GNPTAB: variants seen among roughly 807,000 people sequenced by gnomAD.
GNPTAB encodes N-acetylglucosamine-1-phosphate transferase subunits alpha and beta.
A neutral mutation model predicts 136.6 loss-of-function variants in GNPTAB; 92 were observed. The ratio of observed to expected loss-of-function variants is 0.67; its 90% CI spans 0.57 to 0.80. GNPTAB has a LOEUF of 0.80. Ranked by LOEUF, GNPTAB falls within the 30% of genes least tolerant of loss-of-function variation. The pLI, the probability that GNPTAB is intolerant of heterozygous loss-of-function variation, is 0.00. For synonymous variants in GNPTAB, 512 were observed against 535.1 expected (o/e 0.96, Z 0.60); for missense variants, 1,343 against 1,501.8 (o/e 0.89, Z 1.75).
chr12:101,773,353 C>T, intron 7 of GNPTAB: 1 of 299,188 alleles, frequency 3.3e-6, no homozygotes, highest in Non-Finnish European at 6.6e-6. Context: ...CCTTGGTATG[C>T]AGAATGCTCG....
chr12:101,797,035 G>A (rs1869333577), intron 1 of GNPTAB, among the ~76,000 whole-genome samples: 1 of 152,106 alleles, frequency 6.6e-6, no homozygotes, highest in Non-Finnish European at 1.5e-5. Context: ...TTTGAAATGG[G>A]TCTTGAAGAA....
chr12:101,807,241 A>T (rs748421071), intron 1 of GNPTAB, among the ~76,000 whole-genome samples: 15 of 152,218 alleles, frequency 9.9e-5, no homozygotes, highest in Non-Finnish European at 2.1e-4. Context: ...AATTTATGAT[A>T]AAAATGTTCA....
chr12:101,764,889 CGGGAAGCGTTTTTCTTT>C lies in GNPTAB; in HGVS notation c.2011_2027del (p.Lys671GlufsTer3). On this transcript the variant is annotated frameshift_variant, in exon 13 of 21. Coordinates refer to ENST00000299314, the MANE Select transcript of GNPTAB (RefSeq NM_024312.5). LOFTEE classifies it high-confidence loss of function. ...AGTTAACATCATGTCTCTTAAACTT[CGGGAAGCGTTTTTCTTT>C]GGGAATATCCTCAAAAAGGATTTCC... 6.2e-7 allele frequency: 1 copy of C among 1,613,890 alleles called. No individual in the cohort carries two copies. The highest frequency in any genetic ancestry group is 8.5e-7 in the Non-Finnish European group (1 of 1,180,026).
intron 1 of GNPTAB, among the ~76,000 whole-genome samples, chr12:101,799,722 C>T (rs574056800): frequency 1.4e-5 from 1 of 72,724 alleles, no homozygotes; most frequent in Non-Finnish European, 2.4e-5. Context: ...AAGTACCTTG[C>T]CAGTAAGTAC....
chr12:101,770,687 G>A (rs1335596965), intron 8 of GNPTAB, 102 bp from the exon 9 acceptor site: 2 of 855,198 alleles, frequency 2.3e-6, no homozygotes, highest in Non-Finnish European at 1.9e-6. Flanking sequence ...AGGTGCTCTG[G>A]CAGACTTTTA....
At chr12:101,785,773 A>G (rs545439761) in intron 5 of GNPTAB, 17 of 492,272 alleles carry the variant, frequency 3.5e-5, no homozygotes, top group East Asian at 2.6e-4. Context: ...GTGATATCAG[A>G]TTGAAAGTCC....
intron 1 of GNPTAB, among the ~76,000 whole-genome samples, chr12:101,827,204 A>G (rs560013254): frequency 8.6e-5 from 13 of 152,022 alleles, no homozygotes; most frequent in Non-Finnish European, 1.9e-4. Flanking sequence ...ATCACGGCTC[A>G]TGCAGCCTCA....
chr12:101,770,890 A>G (rs1426673804), intron 8 of GNPTAB, 106 bp downstream of exon 8: 1 of 1,153,242 alleles, frequency 8.7e-7, no homozygotes, highest in Non-Finnish European at 1.3e-6. Context: ...ATTCCAATCA[A>G]CTCACCTCTC....
chr12:101,789,199 G>T (rs961643982), intron 3 of GNPTAB, among the ~76,000 whole-genome samples: 2 of 152,218 alleles, frequency 1.3e-5, no homozygotes, highest in Non-Finnish European at 2.9e-5. Flanking sequence ...GCAGCCAGCG[G>T]GTTGGGGGAG....
At chr12:101,760,268 T>C (rs1238389452) in intron 15 of GNPTAB, 125 bp from the exon 16 acceptor site, 1 of 685,016 alleles carries the variant, frequency 1.5e-6, no homozygotes, top group African/African-American at 1.8e-5. Flanking sequence ...AGAGTCTGAC[T>C]ATATGATTCT....
At chr12:101,765,648 AG>A (rs1426343189) in intron 12 of GNPTAB, 1 of 370,618 alleles carries the variant, frequency 2.7e-6, no homozygotes, top group Non-Finnish European at 5.0e-6. Context: ...GACTCACTAT[AG>A]AGATATGGCA....
At chr12:101,815,167 A>G (rs970262740) in intron 1 of GNPTAB, among the ~76,000 whole-genome samples, 8 of 152,150 alleles carry the variant, frequency 5.3e-5, no homozygotes, top group Non-Finnish European at 1.2e-4. Context: ...TCCCAGGCTC[A>G]AGCAGTCCTC....
intron 16 of GNPTAB, among the ~76,000 whole-genome samples, chr12:101,759,362 C>CAAA (rs34183008): frequency 3.5e-4 from 18 of 50,734 alleles, no homozygotes; most frequent in Admixed American, 6.7e-4. Context: ...GACTCCGTCT[C>CAAA]AAAAAAAAAA....
intron 1 of GNPTAB, among the ~76,000 whole-genome samples, chr12:101,824,018 T>C (rs1870947153): frequency 6.6e-6 from 1 of 152,132 alleles, no homozygotes; most frequent in African/African-American, 2.4e-5. Context: ...CGGCCCTTCT[T>C]TGGGTAACAG....
intron 4 of GNPTAB, among the ~76,000 whole-genome samples, chr12:101,788,047 T>C (rs1846394257): frequency 6.6e-6 from 1 of 152,160 alleles, no homozygotes; most frequent in Non-Finnish European, 1.5e-5. Context: ...TGAGACAGTC[T>C]TGTTTTAAGG....
Position 101,760,116 on chromosome 12 carries a change from T to G in GNPTAB, c.3163A>C (p.Ile1055Leu). The G allele has an allele frequency of 1.2e-6, 2 of 1,610,424 alleles. No homozygotes were observed. Among genetic ancestry groups the G allele is most frequent in the South Asian group, 1.1e-5 (1 of 90,990 alleles). The change falls in exon 16 of 21, where the codon ATA becomes CTA. Residue 1055 changes from isoleucine (I) to leucine (L), a missense_variant. By Grantham distance (5) the Ile-to-Leu change is conservative (BLOSUM62 2). Coordinates refer to ENST00000299314, the MANE Select transcript of GNPTAB (RefSeq NM_024312.5). The part of the protein sequence containing the change: ...QDLTGLEHML[I>L]NCSKMLPADI... ...GCAGGAAGCATTTTTGAGCAATTTA[T>G]TAGCATGTGTTCCAGACCTGTCAAA...
intron 1 of GNPTAB, among the ~76,000 whole-genome samples, chr12:101,810,856 G>C (rs981156638): frequency 6.6e-6 from 1 of 152,120 alleles, no homozygotes; most frequent in Non-Finnish European, 1.5e-5. Context: ...ATGTTGACAA[G>C]AAAGCCTGTC....
chr12:101,784,062 T>TAA (rs1403962445), intron 5 of GNPTAB, among the ~76,000 whole-genome samples: 4 of 152,130 alleles, frequency 2.6e-5, no homozygotes, highest in South Asian at 2.1e-4. Flanking sequence ...CGAGCACTGT[T>TAA]AGACACTGAT....
At chr12:101,799,719 T>C (rs557371766) in intron 1 of GNPTAB, among the ~76,000 whole-genome samples, 2,132 of 81,740 alleles carry the variant, frequency 0.026, 53 homozygotes, top group African/African-American at 0.13. Context: ...AGGAAGTACC[T>C]TGCCAGTAAG....
Sources: allele counts gnomAD v4.1 joint callset (sites outside exome capture counted in the v4.1 genomes callset), GRCh38; gene constraint gnomAD v4.1.1; transcripts MANE v1.5; gene names NCBI Gene and HGNC (gene_info 2026-07-23, HGNC 2026-07-21).